Variants in ASPRV1 observed in about 807,000 individuals in gnomAD.
ASPRV1 encodes retroviral-like aspartic protease 1.
Under a neutral mutation model 11.0 loss-of-function variants are expected in ASPRV1, and 7 were observed. The ratio of observed to expected loss-of-function variants is 0.64; its 90% confidence interval spans 0.36 to 1.20. The LOEUF (loss-of-function observed/expected upper bound fraction) is 1.20. ASPRV1 is among the 50% of genes most tolerant of loss of function. The probability of loss-of-function intolerance (pLI) is 0.02; values close to 1 mark genes in which losing one functional copy is unlikely to be tolerated. For missense variants in ASPRV1, 299 were observed against 320.0 expected (o/e 0.93, Z 0.50); for synonymous variants, 136 against 138.4 (o/e 0.98, Z 0.12).
chr2:69,987,518 G>A, the ASPRV1 span, among the ~76,000 whole-genome samples: 1 of 150,480 alleles, frequency 6.6e-6, no homozygotes, highest in East Asian at 2.0e-4. Flanking sequence ...GGCCAAGGCA[G>A]GAGGATCACT....
chr2:70,025,036 T>C, the ASPRV1 span, among the ~76,000 whole-genome samples: 136 of 152,312 alleles, frequency 8.9e-4, no homozygotes, highest in African/African-American at 3.2e-3. Flanking sequence ...TAAACACTAT[T>C]GTGTCTCAAA....
At chr2:70,085,071 A>G in the ASPRV1 span, among the ~76,000 whole-genome samples, 1 of 152,146 alleles carries the variant, frequency 6.6e-6, no homozygotes, top group Non-Finnish European at 1.5e-5. Context: ...GACTGACCTA[A>G]CACTCTGTCA....
At chr2:69,958,978 G>A (rs1287105701), downstream of ASPRV1, among the ~76,000 whole-genome samples, 1 of 152,170 alleles carries the variant, frequency 6.6e-6, no homozygotes, top group Non-Finnish European at 1.5e-5. Flanking sequence ...GCCCAGGGAA[G>A]GGGCCTCGGT....
At chr2:70,020,133 G>C in the ASPRV1 span, among the ~76,000 whole-genome samples, 23 of 152,210 alleles carry the variant, frequency 1.5e-4, no homozygotes, top group African/African-American at 5.5e-4. Flanking sequence ...CCCTCATGTA[G>C]AGTTACTGGG....
At chr2:70,080,621 AG>A in the ASPRV1 span, among the ~76,000 whole-genome samples, 1 of 152,220 alleles carries the variant, frequency 6.6e-6, no homozygotes, top group African/African-American at 2.4e-5. Flanking sequence ...ATCTCTGGAC[AG>A]GAAGTATAAT....
chr2:70,062,607 G>A, the ASPRV1 span, among the ~76,000 whole-genome samples: 2 of 152,180 alleles, frequency 1.3e-5, no homozygotes, highest in African/African-American at 4.8e-5. Context: ...TAAAGCCAGA[G>A]TCAAGCTGGG....
At chr2:69,981,933 G>A in the ASPRV1 span, among the ~76,000 whole-genome samples, 1 of 152,044 alleles carries the variant, frequency 6.6e-6, no homozygotes, top group African/African-American at 2.4e-5. Flanking sequence ...GGTCTATGTC[G>A]GCAGAGCAGG....
the ASPRV1 span, among the ~76,000 whole-genome samples, chr2:70,026,951 T>C: frequency 1.3e-5 from 2 of 151,962 alleles, no homozygotes. Context: ...CTTCAAAACA[T>C]ACTACAAAGC....
chr2:69,950,911 T>C, the ASPRV1 span, among the ~76,000 whole-genome samples: 13 of 151,114 alleles, frequency 8.6e-5, no homozygotes, highest in East Asian at 1.4e-3. Flanking sequence ...AATAGGGGAT[T>C]GGTTTAGTAA....
chr2:69,998,570 C>T, the ASPRV1 span, among the ~76,000 whole-genome samples: 1 of 150,596 alleles, frequency 6.6e-6, no homozygotes, highest in South Asian at 2.1e-4. Flanking sequence ...ACTAAAAATA[C>T]AAAAAAAAAT....
the ASPRV1 span, among the ~76,000 whole-genome samples, chr2:70,029,018 C>A: frequency 1.3e-5 from 2 of 152,122 alleles, no homozygotes; most frequent in Non-Finnish European, 2.9e-5. Flanking sequence ...ACCAGAGAGG[C>A]CCTAAAGTTA....
the ASPRV1 span, among the ~76,000 whole-genome samples, chr2:69,949,038 G>C: frequency 2.0e-5 from 3 of 152,174 alleles, no homozygotes; most frequent in Non-Finnish European, 4.4e-5. Context: ...GACTCCACCT[G>C]TATAAAATCG....
the ASPRV1 span, chr2:70,075,096 A>G: frequency 1.3e-5 from 2 of 149,000 alleles, no homozygotes; most frequent in Non-Finnish European, 3.0e-5. Flanking sequence ...CAGCCTGGCC[A>G]CAGAGCAAGA....
Position 69,960,925 on chromosome 2 carries a change from C to A in ASPRV1, c.512G>T (p.Gly171Val), listed in dbSNP as rs996197429. The A allele has an allele frequency of 1.2e-6, 2 of 1,614,078 alleles. No homozygotes were observed. The highest frequency in any genetic ancestry group is 1.7e-6 in the Non-Finnish European group (2 of 1,179,994). ...TAGGGACACCGCTGTATCCCAGACA[C>A]CCAGGATCTTCATTTCAGCACCATT... Reference protein sequence around the residue: ...VANGAEMKILGVWDTAVSLGK... With the variant: ...VANGAEMKILVVWDTAVSLGK... The change falls in exon 1 of 1, where the codon GGT becomes GTT. Residue 171 changes from glycine (G) to valine (V), a missense_variant. Gly to Val is a moderately radical substitution (Grantham distance 109, BLOSUM62 -3). Coordinates refer to ENST00000320256, the MANE Select transcript of ASPRV1 (RefSeq NM_152792.4).
chr2:69,933,219 AAAAAAC>A, the ASPRV1 span, among the ~76,000 whole-genome samples: 4 of 150,764 alleles, frequency 2.7e-5, no homozygotes, highest in African/African-American at 9.8e-5. Flanking sequence ...AAAAAAAAAA[AAAAAAC>A]AAAAAAAGAA....
the ASPRV1 span, among the ~76,000 whole-genome samples, chr2:70,078,819 C>T: frequency 1.3e-5 from 2 of 152,166 alleles, no homozygotes; most frequent in Non-Finnish European, 2.9e-5. Flanking sequence ...GTGACTTGAT[C>T]TGATATATAC....
the ASPRV1 span, chr2:70,011,819 CAAG>C: frequency 6.6e-6 from 1 of 152,272 alleles, no homozygotes; most frequent in Non-Finnish European, 1.5e-5. Flanking sequence ...GGAGACGAAA[CAAG>C]AAGAATGCCA....
chr2:69,953,582 A>G, the ASPRV1 span, among the ~76,000 whole-genome samples: 3 of 147,490 alleles, frequency 2.0e-5, no homozygotes, highest in African/African-American at 7.8e-5. Flanking sequence ...TCACTGCTGC[A>G]TAAGTTTCTG....
chr2:69,936,906 G>C, the ASPRV1 span: 3 of 489,174 alleles, frequency 6.1e-6, no homozygotes, highest in African/African-American at 2.0e-5. Flanking sequence ...GGGGATTGCT[G>C]CAAACAAGGG....
Sources: gnomAD v4.1 joint callset for allele counts (sites outside exome capture counted in the v4.1 genomes callset) on GRCh38, gnomAD v4.1.1 for gene constraint, MANE v1.5 for transcripts, NCBI Gene and HGNC (gene_info 2026-07-23, HGNC 2026-07-21) for gene names.